DNAAF10: variants seen among roughly 807,000 people sequenced by gnomAD.
The protein encoded by DNAAF10 is dynein axonemal assembly factor 10.
A neutral mutation model predicts 43.7 loss-of-function variants in DNAAF10; 28 were observed. That is an observed-to-expected ratio of 0.64 (90% CI 0.48 to 0.88). The LOEUF (loss-of-function observed/expected upper bound fraction) is 0.88, where lower values mean the gene tolerates loss of function less well. Ranked by LOEUF, DNAAF10 falls within the 40% of genes least tolerant of loss-of-function variation. The pLI is 0.00. For synonymous variants in DNAAF10, 156 were observed against 157.3 expected (o/e 0.99, Z 0.06); for missense variants, 403 against 439.1 (o/e 0.92, Z 0.73).
At chr2:68,144,790 ATTATAG>A (rs1673275874) in intron 2 of DNAAF10, 75 bp from the exon 3 acceptor site, 1 of 1,500,192 alleles carries the variant, frequency 6.7e-7, no homozygotes, top group Non-Finnish European at 8.9e-7. Flanking sequence ...AAAAAGATAT[ATTATAG>A]TTAGATTTTT....
At chr2:68,134,654 A>G in intron 7 of DNAAF10, 48 bp downstream of exon 7, 1 of 1,589,362 alleles carries the variant, frequency 6.3e-7, no homozygotes, top group Non-Finnish European at 8.5e-7. Flanking sequence ...ATCCTACTTT[A>G]CACCCACAGG....
chr2:68,153,998 C>G (rs1673524238), intron 1 of DNAAF10, among the ~76,000 whole-genome samples: 1 of 151,876 alleles, frequency 6.6e-6, no homozygotes, highest in African/African-American at 2.4e-5. Flanking sequence ...TGTGATCCCC[C>G]CGCCTCGGCC....
intron 5 of DNAAF10, 129 bp downstream of exon 5, chr2:68,138,612 CA>C (rs1342965390): frequency 1.3e-4 from 91 of 700,578 alleles, no homozygotes; most frequent in Non-Finnish European, 8.4e-5. Context: ...GATTTGGCCT[CA>C]AAAAGTTAAG....
At position 68,130,111 on chromosome 2, in the gene DNAAF10, G is replaced by GATATATATAT. The variant is rs200642044; in HGVS notation, c.*1126_*1127insATATATATAT. 2 of 131,850 alleles carry GATATATATAT rather than the reference G, an allele frequency of 1.5e-5. No individual in the cohort carries two copies. Among genetic ancestry groups the GATATATATAT allele is most frequent in the African/African-American group, 6.1e-5 (2 of 32,840 alleles). The allele number at this position is 131,850 out of a possible 1,614,324, so 8.2% of individuals were successfully genotyped here. ...AGACCAACCGTGCCGTTTTGAGAGA[G>GATATATATAT]AGAGATATATATATATATATTTGTT... is the stretch of plus-strand genomic sequence containing the variant. On this transcript the variant is annotated 3_prime_UTR_variant, in exon 8 of 8. Transcript: ENST00000295121.
intron 1 of DNAAF10, among the ~76,000 whole-genome samples, chr2:68,153,994 C>A: frequency 6.6e-6 from 1 of 151,864 alleles, no homozygotes; most frequent in African/African-American, 2.4e-5. Flanking sequence ...ACCTTGTGAT[C>A]CCCCCGCCTC....
chr2:68,153,345 TAA>T (rs775794947), intron 1 of DNAAF10, among the ~76,000 whole-genome samples: 58 of 98,724 alleles, frequency 5.9e-4, no homozygotes, highest in African/African-American at 7.5e-4. Flanking sequence ...AGTGATAAAT[TAA>T]AAAAAAAAAA....
intron 4 of DNAAF10, among the ~76,000 whole-genome samples, chr2:68,140,413 C>T (rs753972237): frequency 2.6e-5 from 4 of 152,148 alleles, no homozygotes; most frequent in Non-Finnish European, 5.9e-5. Context: ...CCACAATCAG[C>T]CTGAAAACTC....
chr2:68,131,816 G>A, intron 7 of DNAAF10: 1 of 212,880 alleles, frequency 4.7e-6, no homozygotes, highest in Non-Finnish European at 9.7e-6. Flanking sequence ...ATAGATTGCT[G>A]GATATCACAG....
rs1673350138 is a variant in DNAAF10, at chr2:68,147,574, AGAAG to A, written c.184-11_184-8del. ...TAGGTTTGGCCTTTTCAATCTTCAT[AGAAG>A]GGAGGAAGAGAGGATATATTATTTA... On this transcript the variant is annotated splice_polypyrimidine_tract_variant and splice_region_variant and intron_variant, in intron 1 of 7. Transcript: ENST00000295121. The A allele has an allele frequency of 6.3e-7, 1 of 1,595,276 alleles. No homozygotes were observed. Among genetic ancestry groups the A allele is most frequent in the Non-Finnish European group, 8.6e-7 (1 of 1,166,804 alleles).
intron 2 of DNAAF10, among the ~76,000 whole-genome samples, chr2:68,147,069 G>A (rs1222327607): frequency 5.9e-5 from 9 of 151,706 alleles, no homozygotes; most frequent in South Asian, 4.1e-4. Flanking sequence ...AAAAACAAAC[G>A]TTCTGCAGTG....
At chr2:68,142,969 C>T (rs907509946) in intron 3 of DNAAF10, among the ~76,000 whole-genome samples, 2 of 152,104 alleles carry the variant, frequency 1.3e-5, no homozygotes, top group African/African-American at 4.8e-5. Flanking sequence ...TCACTGTAGC[C>T]TTGACCTCCT....
At chr2:68,154,906 G>A (rs35645227) in intron 1 of DNAAF10, among the ~76,000 whole-genome samples, 31,513 of 152,012 alleles carry the variant, frequency 0.21, 3,548 homozygotes, top group Non-Finnish European at 0.25. Context: ...GGGACTACAG[G>A]CTCGCATCAC....
intron 1 of DNAAF10, among the ~76,000 whole-genome samples, chr2:68,154,308 G>A (rs1673532242): frequency 6.6e-6 from 1 of 152,028 alleles, no homozygotes; most frequent in African/African-American, 2.4e-5. Context: ...GTGCAGTGGC[G>A]CGATCTCGGC....
intron 4 of DNAAF10, among the ~76,000 whole-genome samples, chr2:68,140,854 C>T (rs142140114): frequency 6.6e-6 from 1 of 152,166 alleles, no homozygotes; most frequent in Non-Finnish European, 1.5e-5. Flanking sequence ...TGCATCTACA[C>T]TAAAAACGTA....
intron 4 of DNAAF10, among the ~76,000 whole-genome samples, 182 bp from the exon 5 acceptor site, chr2:68,139,039 A>C (rs534413880): frequency 1.4e-4 from 22 of 152,274 alleles, no homozygotes; most frequent in Non-Finnish European, 2.5e-4. Flanking sequence ...GGTATCCATT[A>C]GTTTTTTGTT....
chr2:68,138,694 A>G (rs1377637449), intron 5 of DNAAF10, 48 bp downstream of exon 5: 10 of 1,349,280 alleles, frequency 7.4e-6, no homozygotes, highest in Non-Finnish European at 9.6e-6. Context: ...TTCAGAGGTG[A>G]ATGGAAACAT....
chr2:68,145,678 C>T (rs2103624082), intron 2 of DNAAF10, among the ~76,000 whole-genome samples: 1 of 152,272 alleles, frequency 6.6e-6, no homozygotes, highest in South Asian at 2.1e-4. Context: ...GCAAGACAGG[C>T]TGAAGTTCGT....
chr2:68,144,970 C>T (rs556367679), intron 2 of DNAAF10, among the ~76,000 whole-genome samples: 59 of 152,206 alleles, frequency 3.9e-4, no homozygotes, highest in Admixed American at 5.9e-4. Context: ...TCTTCAAAGA[C>T]GATCTATGCA....
chr2:68,157,207 C>T, intron 1 of DNAAF10, 54 bp downstream of exon 1: 1 of 1,569,460 alleles, frequency 6.4e-7, no homozygotes, highest in Non-Finnish European at 8.6e-7. Context: ...AATGCAGACC[C>T]CAGGATCCGC....
Sources: gnomAD v4.1 joint callset for allele counts (sites outside exome capture counted in the v4.1 genomes callset) on GRCh38, gnomAD v4.1.1 for gene constraint, MANE v1.5 for transcripts, NCBI Gene and HGNC (gene_info 2026-07-23, HGNC 2026-07-21) for gene names.